Variants in ARID5B observed in about 807,000 individuals in gnomAD.
The protein encoded by ARID5B is AT-rich interaction domain 5B, also known as AT-rich interactive domain-containing protein 5B.
In ARID5B, 13 loss-of-function variants were observed where a neutral mutation model predicts 97.2. The ratio of observed to expected loss-of-function variants is 0.13; its 90% CI spans 0.09 to 0.21. The LOEUF (loss-of-function observed/expected upper bound fraction) is 0.21, where lower values mean the gene tolerates loss of function less well. ARID5B is among the 10% of genes least tolerant of loss of function. The pLI is 1.00. For missense variants in ARID5B, 1,210 were observed against 1,465.3 expected (o/e 0.83, Z 2.84); for synonymous variants, 556 against 570.3 (o/e 0.97, Z 0.36).
intron 2 of ARID5B, among the ~76,000 whole-genome samples, chr10:61,917,999 A>G (rs1225438840): frequency 6.6e-6 from 1 of 152,160 alleles, no homozygotes; most frequent in Non-Finnish European, 1.5e-5. Flanking sequence ...GTAAGAGATG[A>G]GAAAATCCTA....
intron 2 of ARID5B, among the ~76,000 whole-genome samples, chr10:61,906,688 C>G (rs888634986): frequency 1.3e-5 from 2 of 152,204 alleles, no homozygotes; most frequent in African/African-American, 2.4e-5. Flanking sequence ...ACCAGCCTCA[C>G]TACTGAATTA....
At chr10:62,018,287 A>G (rs1243873972) in intron 4 of ARID5B, among the ~76,000 whole-genome samples, 2 of 152,228 alleles carry the variant, frequency 1.3e-5, no homozygotes, top group Non-Finnish European at 2.9e-5. Flanking sequence ...AGAAAAAATG[A>G]AATCACTTCT....
In ARID5B at chr10:62,069,759, C is replaced by T. The variant is rs1391084350; in HGVS notation, c.1161C>T (p.Ser387=). Residue 387 remains serine (S), a synonymous_variant, in exon 8 of 10, where the codon AGC becomes AGT. Coordinates refer to ENST00000279873, the MANE Select transcript of ARID5B (RefSeq NM_032199.3). ...IYDELGGNPG[S]TSAATCTRRH... is the part of the protein sequence containing the mutation. Reference sequence around the variant, plus strand: ...ATGAATTAGGCGGTAATCCTGGGAGCACCAGCGCTGCCACTTGTACCCGCA... The same window carrying T: ...ATGAATTAGGCGGTAATCCTGGGAGTACCAGCGCTGCCACTTGTACCCGCA... 6.2e-7 allele frequency: 1 copy of T among 1,614,128 alleles called. No individual in the cohort carries two copies. The highest frequency in any genetic ancestry group is 1.1e-5 in the South Asian group (1 of 91,072).
intron 3 of ARID5B, among the ~76,000 whole-genome samples, chr10:61,959,045 T>A (rs1011948097): frequency 4.6e-5 from 7 of 152,246 alleles, no homozygotes; most frequent in Non-Finnish European, 7.3e-5. Context: ...TAATTTATCC[T>A]CTCATTCACT....
intron 3 of ARID5B, among the ~76,000 whole-genome samples, chr10:61,959,114 C>T (rs977866975): frequency 6.6e-6 from 1 of 152,214 alleles, no homozygotes; most frequent in African/African-American, 2.4e-5. Context: ...AACCTACAAG[C>T]TAGGGGAAAA....
chr10:61,928,252 C>A (rs1844142159), intron 2 of ARID5B, among the ~76,000 whole-genome samples: 1 of 152,124 alleles, frequency 6.6e-6, no homozygotes, highest in African/African-American at 2.4e-5. Flanking sequence ...TACATCCCAA[C>A]ACCTCTGTCA....
At chr10:61,911,144 G>T (rs1249650318) in intron 2 of ARID5B, among the ~76,000 whole-genome samples, 2 of 152,130 alleles carry the variant, frequency 1.3e-5, no homozygotes, top group African/African-American at 4.8e-5. Context: ...GAGAATAATG[G>T]GCTTTGCTTT....
At chr10:61,988,420 T>C (rs1838875846) in intron 3 of ARID5B, among the ~76,000 whole-genome samples, 1 of 152,246 alleles carries the variant, frequency 6.6e-6, no homozygotes, top group Non-Finnish European at 1.5e-5. Context: ...TCACCAGGTC[T>C]TAACAGTTGA....
At chr10:62,063,900 C>T (rs1009317169) in intron 7 of ARID5B, among the ~76,000 whole-genome samples, 2 of 152,142 alleles carry the variant, frequency 1.3e-5, no homozygotes, top group African/African-American at 2.4e-5. Context: ...CAGCATATGG[C>T]GGTGGTTTGC....
At chr10:61,940,461 T>C (rs1325527638) in intron 3 of ARID5B, 53 bp downstream of exon 3, 31 of 1,485,076 alleles carry the variant, frequency 2.1e-5, no homozygotes, top group Non-Finnish European at 2.7e-5. Context: ...ATAGTAACTT[T>C]TCGGTTGAAG....
intron 3 of ARID5B, among the ~76,000 whole-genome samples, chr10:61,955,811 C>T (rs1838384271): frequency 2.0e-5 from 3 of 151,982 alleles, no homozygotes; most frequent in African/African-American, 4.8e-5. Context: ...CCACCACGCC[C>T]AGCTAGTTTT....
chr10:61,904,128 T>C (rs908365967), intron 2 of ARID5B, among the ~76,000 whole-genome samples: 4 of 147,860 alleles, frequency 2.7e-5, no homozygotes, highest in Non-Finnish European at 4.5e-5. Flanking sequence ...ATTATTTGCT[T>C]TTCAAATTTA....
intron 3 of ARID5B, among the ~76,000 whole-genome samples, chr10:61,944,722 A>G (rs1844472953): frequency 6.6e-6 from 1 of 152,204 alleles, no homozygotes; most frequent in African/African-American, 2.4e-5. Flanking sequence ...CATACAACAG[A>G]ATGTATTTTA....
intron 6 of ARID5B, among the ~76,000 whole-genome samples, chr10:62,058,844 T>C (rs1839888783): frequency 6.6e-6 from 1 of 152,232 alleles, no homozygotes; most frequent in Non-Finnish European, 1.5e-5. Context: ...AGAGTTCTTA[T>C]ATGAGAGAAG....
chr10:62,060,751 C>T (rs969311743), intron 7 of ARID5B, among the ~76,000 whole-genome samples: 6 of 152,198 alleles, frequency 3.9e-5, no homozygotes, highest in South Asian at 2.1e-4. Context: ...TAGGAATATA[C>T]GTTTTTATAT....
chr10:61,941,451 C>A (rs1844408847), intron 3 of ARID5B, among the ~76,000 whole-genome samples: 1 of 151,408 alleles, frequency 6.6e-6, no homozygotes, highest in Admixed American at 6.6e-5. Flanking sequence ...GCATCTTTTT[C>A]TTTCATTTGC....
chr10:62,004,726 A>G (rs1839124701), intron 4 of ARID5B, among the ~76,000 whole-genome samples: 1 of 152,260 alleles, frequency 6.6e-6, no homozygotes, highest in Admixed American at 6.5e-5. Flanking sequence ...TTTTGTTGTT[A>G]GAACAATAAA....
chr10:61,912,137 C>T (rs1490827097), intron 2 of ARID5B, among the ~76,000 whole-genome samples: 3 of 152,128 alleles, frequency 2.0e-5, no homozygotes, highest in Non-Finnish European at 2.9e-5. Context: ...CTAATTAAAG[C>T]ATATGTTGTT....
chr10:61,963,698 T>C (rs1838505352), intron 3 of ARID5B, among the ~76,000 whole-genome samples: 3 of 151,866 alleles, frequency 2.0e-5, no homozygotes, highest in African/African-American at 7.3e-5. Flanking sequence ...TAGTGGGAGG[T>C]TGAGAACTGC....
Sources: gnomAD v4.1 joint callset for allele counts (sites outside exome capture counted in the v4.1 genomes callset) on GRCh38, gnomAD v4.1.1 for gene constraint, MANE v1.5 for transcripts, NCBI Gene and HGNC (gene_info 2026-07-23, HGNC 2026-07-21) for gene names.